The following MYT1L variants were observed in gnomAD, a reference collection of about 807,000 sequenced individuals.
MYT1L encodes myelin transcription factor 1-like protein.
Under a neutral mutation model 126.7 loss-of-function variants are expected in MYT1L, and 12 were observed. The observed-to-expected ratio is 0.09, with a 90% CI of 0.06 to 0.15. The LOEUF (loss-of-function observed/expected upper bound fraction) is 0.15. Ranked by LOEUF, MYT1L falls within the 10% of genes least tolerant of loss-of-function variation. The pLI, the probability that MYT1L is intolerant of heterozygous loss-of-function variation, is 1.00. For missense variants in MYT1L, 979 were observed against 1,585.2 expected (o/e 0.62, Z 6.49); for synonymous variants, 541 against 604.2 (o/e 0.90, Z 1.53).
At chr2:2,244,889 G>C (rs2094504231) in intron 2 of MYT1L, among the ~76,000 whole-genome samples, 1 of 152,204 alleles carries the variant, frequency 6.6e-6, no homozygotes. Context: ...AGCTGAGATG[G>C]CTACCATATT....
At position 2,167,928 on chromosome 2, in the gene MYT1L, G is replaced by A. The variant is rs150727266; in HGVS notation, c.-304+4944C>T. Among the ~76,000 whole-genome samples the A allele has an allele frequency of 9.8e-4, 149 of 152,224 alleles. 1 individual carries two copies. The highest frequency in any genetic ancestry group is 3.4e-3 in the Middle Eastern group (1 of 294). On this transcript the variant is annotated intron_variant, in intron 3 of 24. Transcript: ENST00000647738. ...CATGTAGTAGTTGACTCAAACATAC[G>A]TTATATAAATGCATAGGTTGTGTGT...
chr2:1,836,357 C>G (rs2148344377), intron 21 of MYT1L, among the ~76,000 whole-genome samples: 1 of 146,578 alleles, frequency 6.8e-6, no homozygotes, highest in South Asian at 2.2e-4. Context: ...ATGTGCACCC[C>G]AAGATTCCAT....
intron 8 of MYT1L, among the ~76,000 whole-genome samples, chr2:1,960,760 T>A (rs1224928631): frequency 6.6e-6 from 1 of 151,752 alleles, no homozygotes; most frequent in Non-Finnish European, 1.5e-5. Flanking sequence ...CGGGTGCTCA[T>A]GTCCCTGGGG....
intron 3 of MYT1L, among the ~76,000 whole-genome samples, chr2:2,102,257 G>A (rs188812765): frequency 1.6e-3 from 238 of 152,198 alleles, no homozygotes; most frequent in Middle Eastern, 3.4e-3. Context: ...ATAAATGTTT[G>A]TATATCAAAC....
chr2:1,888,522 T>C lies in MYT1L; in HGVS notation c.2520+719A>G, dbSNP rs528905421. 5.3e-5 allele frequency among the ~76,000 whole-genome samples: 8 copies of C among 152,340 alleles called. No individual in the cohort carries two copies. In the South Asian group the frequency reaches 1.7e-3, roughly 32 times the overall value. On this transcript the variant is annotated intron_variant, in intron 16 of 24. Coordinates refer to ENST00000647738, the MANE Select transcript of MYT1L (RefSeq NM_001303052.2). ...CTGTAAGACACTAGTGCTTCGATGG[T>C]GGTCTCTCTATTGTACTAAAAACAC...
intron 5 of MYT1L, among the ~76,000 whole-genome samples, chr2:1,993,197 C>G (rs1029458620): frequency 3.3e-5 from 5 of 152,156 alleles, no homozygotes; most frequent in Admixed American, 3.3e-4. Context: ...GCAATTCCCC[C>G]GTCTTGGTGA....
intron 4 of MYT1L, among the ~76,000 whole-genome samples, chr2:2,015,099 G>A (rs2064237975): frequency 6.6e-6 from 1 of 152,156 alleles, no homozygotes; most frequent in African/African-American, 2.4e-5. Flanking sequence ...ATAGATACCA[G>A]GTGTCCTGGT....
At chr2:1,862,874 G>C (rs1572969057) in intron 18 of MYT1L, among the ~76,000 whole-genome samples, 1 of 152,152 alleles carries the variant, frequency 6.6e-6, no homozygotes, top group African/African-American at 2.4e-5. Flanking sequence ...AAGGAGAGAG[G>C]TGAGTAGGGA....
In MYT1L at chr2:1,917,711, T is replaced by C. The variant is rs1282524074; in HGVS notation, c.1484-372A>G. 6.6e-6 allele frequency among the ~76,000 whole-genome samples: 1 copy of C among 152,240 alleles called. No individual in the cohort carries two copies. The highest frequency in any genetic ancestry group is 1.5e-5 in the Non-Finnish European group (1 of 68,046). On this transcript the variant is annotated intron_variant, in intron 10 of 24. Coordinates refer to ENST00000647738, the MANE Select transcript of MYT1L (RefSeq NM_001303052.2). This position sits in a 1 kb window ranked among gnomAD's most constrained non-coding sequence, Gnocchi z 5.9. ...AGAACGAAATTCTGTGCCATCATCA[T>C]TCAGCAATTTTCCATGAAATTCAAC... is the stretch of plus-strand genomic sequence containing the variant.
At chr2:2,225,783 T>C (rs2093993724) in intron 2 of MYT1L, among the ~76,000 whole-genome samples, 1 of 152,010 alleles carries the variant, frequency 6.6e-6, no homozygotes, top group Non-Finnish European at 1.5e-5. Flanking sequence ...ATGGAGAAAC[T>C]TAAGGGGAAA....
Position 1,917,063 on chromosome 2 carries a change from T to C in MYT1L, c.1618+142A>G. On this transcript the variant is annotated intron_variant, in intron 11 of 24. Coordinates refer to ENST00000647738, the MANE Select transcript of MYT1L (RefSeq NM_001303052.2). The surrounding 1 kb of genome is among the most constrained non-coding windows in gnomAD (Gnocchi z 5.9). ...GGCATGCCCACGAATCCTGGATCAG[T>C]TGCCCATCAAGTTAAGTAGGGGCCT... 1.8e-6 allele frequency: 2 copies of C among 1,088,942 alleles called. No individual in the cohort carries two copies. The highest frequency in any genetic ancestry group is 2.6e-6 in the Non-Finnish European group (2 of 765,136). 67.5% of individuals were successfully genotyped at this position (1,088,942 alleles called of 1,614,324 possible). A position where few individuals can be genotyped will look rare whatever the true frequency, so the allele number is the denominator to read the frequency against.
chr2:2,111,759 C>T (rs1438810937), intron 3 of MYT1L, among the ~76,000 whole-genome samples: 2 of 152,134 alleles, frequency 1.3e-5, no homozygotes, highest in Admixed American at 6.5e-5. Flanking sequence ...TATCTCAAAA[C>T]GTGCAGGAAA....
At chr2:1,963,018 G>A (rs2059083585) in intron 8 of MYT1L, among the ~76,000 whole-genome samples, 1 of 152,176 alleles carries the variant, frequency 6.6e-6, no homozygotes, top group Non-Finnish European at 1.5e-5. Context: ...ACTATGTCCA[G>A]GTCCATCAGA....
At chr2:2,101,907 C>T (rs1165242868) in intron 3 of MYT1L, among the ~76,000 whole-genome samples, 1 of 152,212 alleles carries the variant, frequency 6.6e-6, no homozygotes, top group African/African-American at 2.4e-5. Flanking sequence ...AAAGGGATCA[C>T]CAGTCATAAC....
rs529846438 is a variant in MYT1L, at chr2:1,933,815, G to A, written c.505+9167C>T. Among the ~76,000 whole-genome samples the A allele has an allele frequency of 9.5e-4, 145 of 152,282 alleles. No homozygotes were observed. In the South Asian group the frequency reaches 0.011, roughly 12 times the overall value. ...GAGCCACATAGGCCAACCCACATGCGATTGGTGTGGCGAGGAAGTGAATTT... is the reference window on the plus strand; with the variant it reads ...GAGCCACATAGGCCAACCCACATGCAATTGGTGTGGCGAGGAAGTGAATTT... On this transcript the variant is annotated intron_variant, in intron 9 of 24. Transcript: ENST00000647738.
At chr2:1,891,413 C>A (rs554398214) in intron 15 of MYT1L, among the ~76,000 whole-genome samples, 2 of 152,310 alleles carry the variant, frequency 1.3e-5, no homozygotes, top group East Asian at 1.9e-4. Flanking sequence ...TGTGCTGCAT[C>A]TTAAACGCTC....
At position 2,062,796 on chromosome 2, in the gene MYT1L, C is replaced by A. The variant is rs76842775; in HGVS notation, c.-303-8673G>T. 2.3e-3 allele frequency among the ~76,000 whole-genome samples: 351 copies of A among 151,740 alleles called. 1 individual carries two copies. The highest frequency in any genetic ancestry group is 2.5e-3 in the Non-Finnish European group (167 of 67,980). On this transcript the variant is annotated intron_variant, in intron 3 of 24. Coordinates refer to ENST00000647738, the MANE Select transcript of MYT1L (RefSeq NM_001303052.2). ...GATTCTTTGAATCCTTTCCCCTAGA[C>A]CCTCATGCCCAGAGTCGTCATAATT... is the stretch of plus-strand genomic sequence containing the variant.
At chr2:2,078,197 G>T (rs1394921018) in intron 3 of MYT1L, among the ~76,000 whole-genome samples, 2 of 151,786 alleles carry the variant, frequency 1.3e-5, no homozygotes, top group East Asian at 1.9e-4. Flanking sequence ...ATTATTAAAA[G>T]AAACAACAAA....
At chr2:1,857,196 AGTGGGT>A (rs1367051002) in intron 18 of MYT1L, among the ~76,000 whole-genome samples, 9 of 152,252 alleles carry the variant, frequency 5.9e-5, no homozygotes, top group Non-Finnish European at 1.3e-4. Context: ...GCCAAGACCC[AGTGGGT>A]CCACCATCAT....
Sources: gnomAD v4.1 joint callset for allele counts (sites outside exome capture counted in the v4.1 genomes callset) on GRCh38, gnomAD v4.1.1 for gene constraint, Gnocchi (gnomAD v3.1) non-coding constraint, MANE v1.5 for transcripts, NCBI Gene and HGNC (gene_info 2026-07-23, HGNC 2026-07-21) for gene names.